The following PICK1 variants were observed in gnomAD, a reference collection of about 807,000 sequenced individuals.
PICK1 encodes the protein protein interacting with PRKCA 1.
PICK1 carries 23 observed loss-of-function variants against 48.9 expected under a neutral mutation model. The ratio of observed to expected loss-of-function variants is 0.47; its 90% CI spans 0.34 to 0.67. The LOEUF (loss-of-function observed/expected upper bound fraction) is 0.67. PICK1 is among the 30% of genes least tolerant of loss of function. The pLI is 0.01. For synonymous variants in PICK1, 217 were observed against 228.2 expected (o/e 0.95, Z 0.44); for missense variants, 423 against 557.1 (o/e 0.76, Z 2.42).
chr22:38,073,267 A>G lies in PICK1; in HGVS notation c.783+175A>G, dbSNP rs750209025. ...GCCAAAGCCCTGCTGCGCCTGCACA[A>G]AGAAGCATCTGAGAGCCTGGGGCGG... On this transcript the variant is annotated intron_variant, in intron 10 of 12. Transcript: ENST00000356976. This position sits in a 1 kb window ranked among gnomAD's most constrained non-coding sequence, Gnocchi z 5.7. 6.6e-6 allele frequency among the ~76,000 whole-genome samples: 1 copy of G among 152,262 alleles called. No homozygotes were observed. The highest frequency in any genetic ancestry group is 1.5e-5 in the Non-Finnish European group (1 of 68,044).
Position 38,072,422 on chromosome 22 carries a change from G to A in PICK1, c.557-55G>A, listed in dbSNP as rs926136708. The A allele has an allele frequency of 3.8e-6, 6 of 1,597,294 alleles. No homozygotes were observed. In the African/African-American group the frequency reaches 8.0e-5, roughly 21 times the overall value. The stretch of plus-strand genomic sequence containing the variant: ...CCCTGCTTCTCCCCAACAAACCCCT[G>A]GCTTCTCTTAGGGGGCCAAGTAGGG... On this transcript the variant is annotated intron_variant, in intron 8 of 12. Coordinates refer to ENST00000356976, the MANE Select transcript of PICK1 (RefSeq NM_012407.4).
rs1421432027 is a variant in PICK1 at position 38,074,278 on chromosome 22, C to G, written c.835-29C>G. On this transcript the variant is annotated intron_variant, in intron 11 of 12. Transcript: ENST00000356976. The surrounding 1 kb of genome is among the most constrained non-coding windows in gnomAD (Gnocchi z 4.5). ...AGTGCGGTGCGAGGCCGTCCCTGAGCAGGCACTCCTGTCCCACCCCCGCCC... is the reference window on the plus strand; with the variant it reads ...AGTGCGGTGCGAGGCCGTCCCTGAGGAGGCACTCCTGTCCCACCCCCGCCC... 2.5e-6 allele frequency: 4 copies of G among 1,611,530 alleles called. No individual in the cohort carries two copies. The highest frequency in any genetic ancestry group is 1.3e-5 in the African/African-American group (1 of 74,878).
chr22:38,064,892 G>C (rs574401282), intron 3 of PICK1, 110 bp from the exon 4 acceptor site: 2 of 1,325,216 alleles, frequency 1.5e-6, no homozygotes, highest in South Asian at 2.4e-5. Context: ...CTCAAAAAAC[G>C]AGAGCAGAGG....
At chr22:38,063,141 G>A (rs751332590) in intron 3 of PICK1, among the ~76,000 whole-genome samples, 15 of 151,536 alleles carry the variant, frequency 9.9e-5, no homozygotes, top group Non-Finnish European at 2.1e-4. Flanking sequence ...TTTTTATTGT[G>A]GTAAAATTTA....
Position 38,074,909 on chromosome 22 carries a change from C to T in PICK1, c.1025C>T (p.Ser342Phe). The change falls in exon 13 of 13, where the codon TCC (serine) becomes TTC (phenylalanine). Residue 342 changes from serine to phenylalanine, a missense_variant. Transcript: ENST00000356976. The surrounding 1 kb of genome is among the most constrained non-coding windows in gnomAD (Gnocchi z 4.5). ...CTGCAGCGCCTCGTGTCCACCATGT[C>T]CAAGTACTACAACGACTGCTACGCA... is the stretch of plus-strand genomic sequence containing the variant. ...FQLQRLVSTM[S>F]KYYNDCYAVL... The T allele has an allele frequency of 6.2e-7, 1 of 1,613,522 alleles. No individual in the cohort carries two copies. Among genetic ancestry groups the T allele is most frequent in the Non-Finnish European group, 8.5e-7 (1 of 1,180,024 alleles).
Position 38,068,903 on chromosome 22 carries a change from C to G in PICK1, c.350-130C>G, listed in dbSNP as rs1261847151. 7.9e-6 allele frequency: 6 copies of G among 760,022 alleles called. No homozygotes were observed. In the African/African-American group the frequency reaches 8.6e-5, roughly 11 times the overall value. 47.1% of individuals were successfully genotyped at this position (760,022 alleles called of 1,614,324 possible). On this transcript the variant is annotated intron_variant, in intron 5 of 12. Transcript: ENST00000356976. ...CTAGGACCTCCCCACTGGACATTCCCCACTTCACAGCCACCCCCAGCAGCC... is the reference window on the plus strand; with the variant it reads ...CTAGGACCTCCCCACTGGACATTCCGCACTTCACAGCCACCCCCAGCAGCC...
rs2085788124 is a variant in PICK1, at chr22:38,074,590, CTGGGTGGAGCTGGCCTGTGCGCG to C, written c.979+144_979+166del. ...CCCAGCCATCTGCCCAGAGCCTGGC[CTGGGTGGAGCTGGCCTGTGCGCG>C]TGGGCTCCGTGGGCTGCCATCCATG... On this transcript the variant is annotated intron_variant, in intron 12 of 12. Coordinates refer to ENST00000356976, the MANE Select transcript of PICK1 (RefSeq NM_012407.4). The surrounding 1 kb of genome is among the most constrained non-coding windows in gnomAD (Gnocchi z 4.5). 1 of 1,248,182 alleles carries C rather than the reference CTGGGTGGAGCTGGCCTGTGCGCG, an allele frequency of 8.0e-7. No individual in the cohort carries two copies. Among genetic ancestry groups the C allele is most frequent in the South Asian group, 1.3e-5 (1 of 77,564 alleles). The allele number at this position is 1,248,182 out of a possible 1,614,324, so 77.3% of individuals were successfully genotyped here. A position where few individuals can be genotyped will look rare whatever the true frequency, so the allele number is the denominator to read the frequency against.
chr22:38,058,269 T>TG, intron 2 of PICK1: 1 of 256,464 alleles, frequency 3.9e-6, no homozygotes, highest in South Asian at 5.1e-5. Flanking sequence ...GATCAAGGAG[T>TG]GGGTGCAATG....
Position 38,074,981 on chromosome 22 carries a change from ACAC to A in PICK1, c.1101_1103del (p.Thr368del). The A allele has an allele frequency of 1.2e-5, 20 of 1,613,730 alleles. No homozygotes were observed. Among genetic ancestry groups the A allele is most frequent in the Non-Finnish European group, 1.7e-5 (20 of 1,180,020 alleles). ...TTCCCCATCGAGGTAGACCTGGCGC[ACAC>A]CACATTGGCCTATGGCCTCAACCAG... On this transcript the variant is annotated inframe_deletion, in exon 13 of 13. Transcript: ENST00000356976. The surrounding 1 kb of genome is among the most constrained non-coding windows in gnomAD (Gnocchi z 4.5).
intron 7 of PICK1, among the ~76,000 whole-genome samples, chr22:38,071,224 A>G (rs114590974): frequency 0.013 from 1,915 of 152,234 alleles, 39 homozygotes; most frequent in African/African-American, 0.044. Context: ...GTGTGTGCCT[A>G]TAATCAGTAC....
At chr22:38,059,007 CAAAA>C (rs948870714) in intron 2 of PICK1, among the ~76,000 whole-genome samples, 1 of 150,916 alleles carries the variant, frequency 6.6e-6, no homozygotes, top group Non-Finnish European at 1.5e-5. Context: ...GACTCCATCT[CAAAA>C]AAAAACCAAG....
intron 3 of PICK1, among the ~76,000 whole-genome samples, chr22:38,061,256 G>A (rs987829202): frequency 3.3e-5 from 5 of 152,166 alleles, no homozygotes; most frequent in African/African-American, 1.2e-4. Context: ...CAGGAGAATC[G>A]CTTGAACCCG....
chr22:38,069,115 G>A lies in PICK1; in HGVS notation c.432G>A (p.Leu144=), dbSNP rs1448030895. The change falls in exon 6 of 13, where the codon CTG becomes CTA. Residue 144 remains leucine (L), a synonymous_variant. Transcript: ENST00000356976. ...CTCTGGGCCTGAGCCGGGCCATCCT[G>A]TGCAATGGTGAGTCCCTTCCCACCC... ...ADALGLSRAI[L]CNDGLVKRLE... is the part of the protein sequence containing the mutation. The A allele has an allele frequency of 6.2e-7, 1 of 1,607,694 alleles. No individual in the cohort carries two copies. Among genetic ancestry groups the A allele is most frequent in the Admixed American group, 1.7e-5 (1 of 59,514 alleles).
intron 2 of PICK1, among the ~76,000 whole-genome samples, chr22:38,058,975 C>G (rs1348920102): frequency 1.3e-5 from 2 of 152,178 alleles, no homozygotes; most frequent in East Asian, 1.9e-4. Context: ...CCATTGCACT[C>G]TAGCCTGGGC....
chr22:38,063,624 T>C (rs1185526062), intron 3 of PICK1, among the ~76,000 whole-genome samples: 1 of 151,882 alleles, frequency 6.6e-6, no homozygotes, highest in Non-Finnish European at 1.5e-5. Flanking sequence ...TTGCCTTTCT[T>C]TTCTTCTCTT....
intron 9 of PICK1, 147 bp downstream of exon 9, chr22:38,072,757 T>C: frequency 1.6e-6 from 2 of 1,261,960 alleles, no homozygotes; most frequent in Non-Finnish European, 2.3e-6. Flanking sequence ...GGTGAGTCAC[T>C]GTGCCCCCTT....
In PICK1 at chr22:38,073,787, G is replaced by A; in HGVS notation, c.798G>A (p.Lys266=). The change falls in exon 11 of 13, where the codon AAG becomes AAA. Residue 266 remains lysine (K), a synonymous_variant. Transcript: ENST00000356976. The surrounding 1 kb of genome is among the most constrained non-coding windows in gnomAD (Gnocchi z 5.7). Reference sequence around the variant, plus strand: ...GTCCCACACAGTCGTACTGCCTGAAGGTGAAGGAGATGGATGACGAGGAAT... The same window carrying A: ...GTCCCACACAGTCGTACTGCCTGAAAGTGAAGGAGATGGATGACGAGGAAT... ...VKFEYLSYCL[K]VKEMDDEEYS... is the part of the protein sequence containing the mutation. 1 of 1,613,742 alleles carries A rather than the reference G, an allele frequency of 6.2e-7. No homozygotes were observed.
Position 38,069,200 on chromosome 22 carries a change from C to A in PICK1, c.439+78C>A, listed in dbSNP as rs2085612434. 3 of 1,050,928 alleles carry A rather than the reference C, an allele frequency of 2.9e-6. No individual in the cohort carries two copies. In the East Asian group the frequency reaches 7.8e-5, roughly 27 times the overall value. 65.1% of individuals were successfully genotyped at this position (1,050,928 alleles called of 1,614,324 possible). ...AAGAGTGGGGGGCACCATGGCTGCC[C>A]ACCAAGCTGCTGTGGGTCCCGCGGG... On this transcript the variant is annotated intron_variant, in intron 6 of 12. Transcript: ENST00000356976.
intron 4 of PICK1, 51 bp from the exon 5 acceptor site, chr22:38,067,653 G>A: frequency 3.9e-6 from 6 of 1,526,898 alleles, no homozygotes; most frequent in Non-Finnish European, 5.5e-6. Flanking sequence ...GCTGGGAAGG[G>A]GCTCAGGGTG....
Sources: allele counts gnomAD v4.1 joint callset (sites outside exome capture counted in the v4.1 genomes callset), GRCh38; gene constraint gnomAD v4.1.1; non-coding constraint Gnocchi (gnomAD v3.1); transcripts MANE v1.5; gene names NCBI Gene and HGNC (gene_info 2026-07-23, HGNC 2026-07-21).